Variants in ANKRD44 observed in about 807,000 individuals in gnomAD.
ANKRD44 encodes ankyrin repeat domain 44.
A neutral mutation model predicts 116.0 loss-of-function variants in ANKRD44; 35 were observed. That is an observed-to-expected ratio of 0.30 (90% confidence interval 0.23 to 0.40). The LOEUF (loss-of-function observed/expected upper bound fraction) is 0.40, where lower values mean the gene tolerates loss of function less well. Among genes scored for constraint, ANKRD44 ranks in the 10% least tolerant of loss-of-function variants. ANKRD44 has a pLI of 1.00. For missense variants in ANKRD44, 1,014 were observed against 1,242.6 expected (o/e 0.82, Z 2.77); for synonymous variants, 435 against 461.8 (o/e 0.94, Z 0.74).
At chr2:197,063,974 A>C (rs2125065598) in intron 16 of ANKRD44, among the ~76,000 whole-genome samples, 1 of 152,316 alleles carries the variant, frequency 6.6e-6, no homozygotes, top group South Asian at 2.1e-4. Flanking sequence ...CTCCTCGAGA[A>C]GAGCAACTCC....
At chr2:197,256,843 T>C (rs1033544469) in intron 1 of ANKRD44, among the ~76,000 whole-genome samples, 1 of 152,118 alleles carries the variant, frequency 6.6e-6, no homozygotes, top group African/African-American at 2.4e-5. Flanking sequence ...AGGACTTCCA[T>C]GTACTCCCAG....
chr2:197,240,220 C>T (rs527633259), intron 1 of ANKRD44, among the ~76,000 whole-genome samples: 19 of 151,796 alleles, frequency 1.3e-4, no homozygotes, highest in South Asian at 2.1e-4. Context: ...ACTAAAAATA[C>T]GAAAATGAGC....
intron 16 of ANKRD44, among the ~76,000 whole-genome samples, chr2:197,049,226 G>T (rs12693805): frequency 0.8 from 121,934 of 152,238 alleles, 51,184 homozygotes; most frequent in East Asian, 1. Flanking sequence ...TGCCATGCTT[G>T]TGGTGTTTTA....
In ANKRD44 at chr2:197,125,934, C is replaced by T. The variant is rs747527069; in HGVS notation, c.365G>A (p.Cys122Tyr). The T allele has an allele frequency of 3.7e-6, 6 of 1,614,130 alleles. No individual in the cohort carries two copies. Among genetic ancestry groups the T allele is most frequent in the Admixed American group, 1.7e-5 (1 of 60,010 alleles). Residue 122 changes from cysteine to tyrosine, a missense_variant, in exon 5 of 28, where the codon TGT becomes TAT. Cys to Tyr is a radical substitution (Grantham distance 194). Transcript: ENST00000282272. ...CAGCAGGGGAATGATCACTTCTGCACATTTGACAGCCTTGTTGGCTGCTGC... is the reference window on the plus strand; with the variant it reads ...CAGCAGGGGAATGATCACTTCTGCATATTTGACAGCCTTGTTGGCTGCTGC... Reference protein sequence around the residue: ...HVAAANKAVKCAEVIIPLLSS... With the variant: ...HVAAANKAVKYAEVIIPLLSS...
chr2:197,123,701 A>G (rs2078911476), intron 6 of ANKRD44, among the ~76,000 whole-genome samples: 1 of 152,208 alleles, frequency 6.6e-6, no homozygotes, highest in Non-Finnish European at 1.5e-5. Context: ...AAGATTGTTC[A>G]ATGCTTCAGG....
At chr2:197,148,733 C>G (rs1404282391) in intron 2 of ANKRD44, among the ~76,000 whole-genome samples, 1 of 152,154 alleles carries the variant, frequency 6.6e-6, no homozygotes, top group Admixed American at 6.5e-5. Flanking sequence ...ATAAAGAATG[C>G]ACTACCATTA....
chr2:196,997,053 C>T (rs1301416097), intron 25 of ANKRD44, among the ~76,000 whole-genome samples: 1 of 151,866 alleles, frequency 6.6e-6, no homozygotes, highest in Admixed American at 6.6e-5. Flanking sequence ...ATTCGAAAAT[C>T]TGAAATAAAA....
At chr2:197,067,303 A>C (rs2077455445) in intron 16 of ANKRD44, among the ~76,000 whole-genome samples, 1 of 152,200 alleles carries the variant, frequency 6.6e-6, no homozygotes, top group Non-Finnish European at 1.5e-5. Context: ...TTAAAGACTT[A>C]AATGTTAGAC....
At chr2:197,068,582 G>C (rs1377961659) in intron 16 of ANKRD44, among the ~76,000 whole-genome samples, 1 of 151,750 alleles carries the variant, frequency 6.6e-6, no homozygotes, top group Non-Finnish European at 1.5e-5. Context: ...CTAATATCCA[G>C]AATCTACAAA....
chr2:196,987,553 CTAATT>C lies in ANKRD44; in HGVS notation c.*2033_*2037del. On this transcript the variant is annotated 3_prime_UTR_variant, in exon 28 of 28. Transcript: ENST00000282272. Reference sequence around the variant, plus strand: ...AGCAAATCCATTTGATGTTCTTGTTCTAATTTAATAACAAAATGATAAACCAAGCA... The same window carrying C: ...AGCAAATCCATTTGATGTTCTTGTTCTAATAACAAAATGATAAACCAAGCA... 1.0e-6 allele frequency: 1 copy of C among 985,422 alleles called. No homozygotes were observed. Among genetic ancestry groups the C allele is most frequent in the Non-Finnish European group, 1.2e-6 (1 of 829,904 alleles). 61.0% of individuals were successfully genotyped at this position (985,422 alleles called of 1,614,324 possible). A position where few individuals can be genotyped will look rare whatever the true frequency, so the allele number is the denominator to read the frequency against.
intron 12 of ANKRD44, among the ~76,000 whole-genome samples, 160 bp from the exon 13 acceptor site, chr2:197,086,908 T>C (rs1219932191): frequency 6.6e-6 from 1 of 152,190 alleles, no homozygotes; most frequent in African/African-American, 2.4e-5. Context: ...AATGACATAT[T>C]GTAAGGATCT....
At chr2:197,030,721 T>G (rs2076688882) in intron 16 of ANKRD44, among the ~76,000 whole-genome samples, 1 of 143,666 alleles carries the variant, frequency 7.0e-6, no homozygotes, top group African/African-American at 3.0e-5. Context: ...TTTTTAAAAA[T>G]AAAACTTTTT....
chr2:197,273,600 A>G (rs1199766172), intron 1 of ANKRD44, among the ~76,000 whole-genome samples: 3 of 152,090 alleles, frequency 2.0e-5, no homozygotes, highest in Admixed American at 6.6e-5. Flanking sequence ...CTGCCCAGGA[A>G]AAAGAGAGGA....
In ANKRD44 at chr2:197,078,727, A is replaced by G. The variant is rs753615848; in HGVS notation, c.1626T>C (p.Tyr542=). ...GYNSIHYAAA[Y]GHRQCLELLL... The stretch of plus-strand genomic sequence containing the variant: ...CCAATTCCAGACACTGCCTGTGCCC[A>G]TAGGCGGCAGCATAATGTATGCTAT... The change falls in exon 16 of 28, where the codon TAT becomes TAC. Residue 542 remains tyrosine, a synonymous_variant. Coordinates refer to ENST00000282272, the MANE Select transcript of ANKRD44 (RefSeq NM_001195144.2). 150 of 1,612,154 alleles carry G rather than the reference A, an allele frequency of 9.3e-5. No individual in the cohort carries two copies. Among genetic ancestry groups the G allele is most frequent in the Non-Finnish European group, 1.2e-4 (139 of 1,178,964 alleles).
chr2:196,972,361 G>A (rs371256276), intron 21 of ANKRD44, among the ~76,000 whole-genome samples: 2 of 152,050 alleles, frequency 1.3e-5, no homozygotes, highest in African/African-American at 4.8e-5. Context: ...GTGCCACCAC[G>A]CCCGGTTAAT....
At chr2:197,085,354 A>T (rs933677467) in intron 13 of ANKRD44, among the ~76,000 whole-genome samples, 2 of 152,206 alleles carry the variant, frequency 1.3e-5, no homozygotes, top group African/African-American at 4.8e-5. Context: ...TCAGGTGGGG[A>T]TGTCAGAGAC....
At chr2:197,288,968 G>T (rs188648226) in intron 1 of ANKRD44, among the ~76,000 whole-genome samples, 2 of 152,252 alleles carry the variant, frequency 1.3e-5, no homozygotes, top group East Asian at 3.9e-4. Context: ...TTAGGTAGAA[G>T]AAATAAATTG....
At chr2:197,032,390 C>CTTTT (rs71012944) in intron 16 of ANKRD44, among the ~76,000 whole-genome samples, 2 of 140,818 alleles carry the variant, frequency 1.4e-5, no homozygotes, top group African/African-American at 2.6e-5. Context: ...GGAAGTGTCA[C>CTTTT]TTTTTTTTTT....
chr2:197,210,289 C>T (rs2081296486), intron 1 of ANKRD44, among the ~76,000 whole-genome samples: 1 of 152,214 alleles, frequency 6.6e-6, no homozygotes, highest in Non-Finnish European at 1.5e-5. Flanking sequence ...TATTGAGCTA[C>T]TACTGTATGG....
Sources: allele counts gnomAD v4.1 joint callset (sites outside exome capture counted in the v4.1 genomes callset), GRCh38; gene constraint gnomAD v4.1.1; transcripts MANE v1.5; gene names NCBI Gene and HGNC (gene_info 2026-07-23, HGNC 2026-07-21).